The following TNRC6C variants were observed in gnomAD, a reference collection of about 807,000 sequenced individuals.
TNRC6C encodes the protein trinucleotide repeat containing adaptor 6C.
A neutral mutation model predicts 153.7 loss-of-function variants in TNRC6C; 20 were observed. The observed-to-expected ratio is 0.13, with a 90% CI of 0.09 to 0.19. TNRC6C has a LOEUF of 0.19. TNRC6C is among the 10% of genes least tolerant of loss of function. The pLI is 1.00. For synonymous variants in TNRC6C, 811 were observed against 841.4 expected, an observed-to-expected ratio of 0.96 and a Z score of 0.63; for missense variants, 1,987 against 2,172.0, an observed-to-expected ratio of 0.91 and a Z score of 1.69.
At chr17:78,093,086 A>T (rs1294949507) in exon 15 of TNRC6C, 4 of 1,613,444 alleles carry the variant, frequency 2.5e-6, no homozygotes, top group Non-Finnish European at 3.4e-6. Context: ...TCTGACAGTG[A>T]TAAAATCTCA....
chr17:77,962,032 C>T (rs557665064), intron 1 of TNRC6C, among the ~76,000 whole-genome samples: 18 of 152,178 alleles, frequency 1.2e-4, no homozygotes, highest in South Asian at 2.1e-4. Flanking sequence ...GACACAGTTC[C>T]TGCAGTGCTG....
At chr17:78,030,376 C>G (rs1010726529) in intron 1 of TNRC6C, among the ~76,000 whole-genome samples, 18 of 152,022 alleles carry the variant, frequency 1.2e-4, no homozygotes, top group African/African-American at 3.9e-4. Flanking sequence ...TTTGGCCAGG[C>G]TGGTCTCGAA....
chr17:78,029,772 A>AT (rs148167459), intron 1 of TNRC6C, among the ~76,000 whole-genome samples: 7 of 149,292 alleles, frequency 4.7e-5, no homozygotes, highest in Admixed American at 1.3e-4. Context: ...TCTGTGTTTA[A>AT]TTTTTTTTTT....
At chr17:78,026,201 A>G (rs2071939020) in intron 1 of TNRC6C, among the ~76,000 whole-genome samples, 1 of 152,154 alleles carries the variant, frequency 6.6e-6, no homozygotes, top group South Asian at 2.1e-4. Context: ...TTTAGCACTC[A>G]CTGTTGTCAA....
At chr17:78,039,626 A>G (rs1399587959) in intron 2 of TNRC6C, among the ~76,000 whole-genome samples, 1 of 152,226 alleles carries the variant, frequency 6.6e-6, no homozygotes, top group African/African-American at 2.4e-5. Flanking sequence ...CCCTCCTGCC[A>G]GTGGTTAATG....
intron 1 of TNRC6C, among the ~76,000 whole-genome samples, chr17:77,997,781 A>C (rs2071351465): frequency 6.6e-6 from 1 of 151,872 alleles, no homozygotes; most frequent in Non-Finnish European, 1.5e-5. Flanking sequence ...CAGCCTCCCG[A>C]GTAGCTGGGA....
chr17:77,969,945 G>A (rs1377029332), intron 1 of TNRC6C, among the ~76,000 whole-genome samples: 1 of 152,128 alleles, frequency 6.6e-6, no homozygotes, highest in Non-Finnish European at 1.5e-5. Flanking sequence ...TTAGTTAATG[G>A]GGTAAGCTAG....
chr17:78,053,176 C>T (rs538806238), intron 3 of TNRC6C, among the ~76,000 whole-genome samples: 2 of 152,266 alleles, frequency 1.3e-5, no homozygotes, highest in East Asian at 1.9e-4. Context: ...GCTGTTCTTA[C>T]GCTGGGCCTG....
At chr17:78,054,071 C>T (rs991985593) in intron 3 of TNRC6C, among the ~76,000 whole-genome samples, 1 of 152,148 alleles carries the variant, frequency 6.6e-6, no homozygotes, top group African/African-American at 2.4e-5. Flanking sequence ...AGGCTACAAA[C>T]CTGCACAGCA....
In TNRC6C at chr17:78,007,029, G is replaced by A. The variant is rs183002632; in HGVS notation, c.-546+1950G>A. Among the ~76,000 whole-genome samples the A allele has an allele frequency of 8.0e-3, 1,196 of 149,780 alleles. 7 individuals carry two copies. The highest frequency in any genetic ancestry group is 0.013 in the Non-Finnish European group (869 of 67,618). ...GCTAATTTTTTGTATTTTTAGTAGAGACAGGGTTTCACCATGTTGGCCAGG... is the reference window on the plus strand; with the variant it reads ...GCTAATTTTTTGTATTTTTAGTAGAAACAGGGTTTCACCATGTTGGCCAGG... On this transcript the variant is annotated intron_variant, in intron 1 of 19. Transcript: ENST00000301624.
At chr17:78,024,858 G>A (rs868186224) in intron 1 of TNRC6C, among the ~76,000 whole-genome samples, 2 of 151,278 alleles carry the variant, frequency 1.3e-5, no homozygotes, top group African/African-American at 2.4e-5. Flanking sequence ...GCAATGGTGC[G>A]ATCTCAGCTC....
chr17:78,082,183 G>A (rs1017452382), intron 10 of TNRC6C, among the ~76,000 whole-genome samples: 10 of 150,134 alleles, frequency 6.7e-5, no homozygotes, highest in Admixed American at 4.7e-4. Flanking sequence ...GTGAAAGCTG[G>A]GTCCGGGGGG....
At chr17:78,024,651 C>T (rs1159431298) in intron 1 of TNRC6C, among the ~76,000 whole-genome samples, 1 of 151,994 alleles carries the variant, frequency 6.6e-6, no homozygotes, top group Non-Finnish European at 1.5e-5. Flanking sequence ...AGGCGTGAGC[C>T]ACCGCGCCTG....
At chr17:77,959,706 G>C (rs1173174845) in intron 1 of TNRC6C, among the ~76,000 whole-genome samples, 3 of 152,138 alleles carry the variant, frequency 2.0e-5, no homozygotes, top group Non-Finnish European at 4.4e-5. Flanking sequence ...CTGCGGGTGG[G>C]CGGAGAAGGA....
In TNRC6C at chr17:78,084,960, G is replaced by A. The variant is rs565909796; in HGVS notation, c.3478-1543G>A. ...GACTGTTTTTCCATCTGTCAGAAGG[G>A]AGGTGGTGCTGTAGTGAGGAATCGC... On this transcript the variant is annotated intron_variant, in intron 11 of 19. Coordinates refer to ENST00000301624, the Ensembl canonical transcript of TNRC6C. Among the ~76,000 whole-genome samples the A allele has an allele frequency of 2.0e-5, 3 of 152,270 alleles. No individual in the cohort carries two copies. In the South Asian group the frequency reaches 6.2e-4, roughly 32 times the overall value.
intron 4 of TNRC6C, chr17:78,067,186 G>GA (rs901980828): frequency 6.7e-5 from 10 of 149,106 alleles, no homozygotes; most frequent in East Asian, 2.0e-4. Flanking sequence ...CTATTAAAAA[G>GA]AAAAAAAAAA....
At chr17:77,976,812 C>G (rs928000047) in intron 1 of TNRC6C, among the ~76,000 whole-genome samples, 1 of 151,032 alleles carries the variant, frequency 6.6e-6, no homozygotes, top group Admixed American at 6.6e-5. Flanking sequence ...GCTTATAATC[C>G]CAGCTATTGG....
chr17:77,967,697 A>G (rs2070908961), intron 1 of TNRC6C, among the ~76,000 whole-genome samples: 1 of 152,224 alleles, frequency 6.6e-6, no homozygotes, highest in Non-Finnish European at 1.5e-5. Flanking sequence ...TCTCATGCAC[A>G]ACAAAATTGT....
intron 1 of TNRC6C, among the ~76,000 whole-genome samples, chr17:78,014,390 T>C (rs754054201): frequency 6.6e-6 from 1 of 152,198 alleles, no homozygotes; most frequent in Admixed American, 6.5e-5. Flanking sequence ...TAGGCATTAA[T>C]GCTGTCTTGA....
Sources: gnomAD v4.1 joint callset for allele counts (sites outside exome capture counted in the v4.1 genomes callset) on GRCh38, gnomAD v4.1.1 for gene constraint, MANE v1.5 for transcripts, NCBI Gene and HGNC (gene_info 2026-07-23, HGNC 2026-07-21) for gene names.